ACSL6: variants seen among roughly 807,000 people sequenced by gnomAD.
ACSL6 encodes acyl-CoA synthetase long chain family member 6.
ACSL6 carries 47 observed loss-of-function variants against 98.2 expected under a neutral mutation model. The ratio of observed to expected loss-of-function variants is 0.48; its 90% CI spans 0.38 to 0.61. The LOEUF (loss-of-function observed/expected upper bound fraction) is 0.61. ACSL6 is among the 20% of genes least tolerant of loss of function. The probability of loss-of-function intolerance (pLI) is 0.00; values close to 1 mark genes in which losing one functional copy is unlikely to be tolerated. For missense variants in ACSL6, 761 were observed against 913.4 expected (o/e 0.83, Z 2.15); for synonymous variants, 362 against 336.9 (o/e 1.07, Z -0.82).
upstream of ACSL6, chr5:132,012,002 C>T (rs1755763721): frequency 8.1e-6 from 12 of 1,487,296 alleles, 1 homozygote; most frequent in South Asian, 1.6e-4. Flanking sequence ...GCCACCCACC[C>T]CATCAACACG....
intron 9 of ACSL6, 32 bp downstream of exon 9, chr5:131,985,375 C>A: frequency 6.2e-7 from 1 of 1,613,732 alleles, no homozygotes; most frequent in Non-Finnish European, 8.5e-7. Flanking sequence ...GTGCAGGTAG[C>A]CATGGCTGGG....
chr5:131,968,643 G>A (rs1215922363), intron 15 of ACSL6, among the ~76,000 whole-genome samples: 1 of 152,150 alleles, frequency 6.6e-6, no homozygotes, highest in African/African-American at 2.4e-5. Context: ...ATGAAAATAA[G>A]ACTCCAAATT....
At chr5:131,994,740 C>G (rs531001268) in intron 1 of ACSL6, 1 of 179,518 alleles carries the variant, frequency 5.6e-6, no homozygotes, top group Admixed American at 5.3e-5. Flanking sequence ...CCTCTAATCT[C>G]CCAACTCCAG....
intron 1 of ACSL6, among the ~76,000 whole-genome samples, chr5:132,002,156 C>T (rs1021600644): frequency 6.6e-6 from 1 of 152,176 alleles, no homozygotes; most frequent in African/African-American, 2.4e-5. Flanking sequence ...GGAATACTGA[C>T]CAGGGTCACC....
Position 131,951,201 on chromosome 5 carries a change from A to C in ACSL6, c.*3033T>G, listed in dbSNP as rs1208864236. 2.4e-5 allele frequency: 5 copies of C among 211,128 alleles called. No homozygotes were observed. Among genetic ancestry groups the C allele is most frequent in the African/African-American group, 4.5e-5 (2 of 44,138 alleles). 13.1% of individuals were successfully genotyped at this position (211,128 alleles called of 1,614,324 possible). On this transcript the variant is annotated 3_prime_UTR_variant, in exon 21 of 21. Coordinates refer to ENST00000651883, the MANE Select transcript of ACSL6 (RefSeq NM_001009185.3). ...GAACATATTTACACTTAAGGAACTG[A>C]TTATCTGTTATACTTCTAGGCTTAA...
intron 19 of ACSL6, among the ~76,000 whole-genome samples, chr5:131,960,195 G>A (rs1352902218): frequency 6.6e-6 from 1 of 152,148 alleles, no homozygotes. Context: ...ATCTGACTCT[G>A]CTGCTAACCA....
chr5:131,979,420 G>A lies in ACSL6; in HGVS notation c.917-2699C>T, dbSNP rs147546982. Among the ~76,000 whole-genome samples the A allele has an allele frequency of 4.6e-3, 699 of 152,242 alleles. 4 individuals carry two copies. Among genetic ancestry groups the A allele is most frequent in the African/African-American group, 0.016 (662 of 41,550 alleles). On this transcript the variant is annotated intron_variant, in intron 9 of 20. Transcript: ENST00000651883. ...GGTGTAAGAATCTCAAGGGAAAACT[G>A]TCTTCATTGATAAAAAAAAATTCTA...
intron 15 of ACSL6, 24 bp downstream of exon 15, chr5:131,970,104 T>C (rs746909220): frequency 6.2e-7 from 1 of 1,612,592 alleles, no homozygotes; most frequent in Non-Finnish European, 8.5e-7. Context: ...CGCGAGCCAG[T>C]CCTATATCTC....
At chr5:131,966,118 C>T (rs963199819) in intron 17 of ACSL6, among the ~76,000 whole-genome samples, 1 of 152,222 alleles carries the variant, frequency 6.6e-6, no homozygotes, top group African/African-American at 2.4e-5. Flanking sequence ...TCCTACTTCA[C>T]ATCAGATTCC....
At chr5:131,969,782 C>T (rs1323935206) in intron 15 of ACSL6, among the ~76,000 whole-genome samples, 1 of 152,096 alleles carries the variant, frequency 6.6e-6, no homozygotes, top group Non-Finnish European at 1.5e-5. Context: ...GCAGCGGCAA[C>T]CTCAAAAAGG....
At chr5:131,976,206 T>C in intron 10 of ACSL6, 1 of 985,464 alleles carries the variant, frequency 1.0e-6, no homozygotes, top group South Asian at 4.7e-5. Flanking sequence ...CCTTATAAAT[T>C]AGCAGTTGCC....
At chr5:132,007,420 G>A (rs1755474102) in intron 1 of ACSL6, among the ~76,000 whole-genome samples, 1 of 152,168 alleles carries the variant, frequency 6.6e-6, no homozygotes, top group African/African-American at 2.4e-5. Context: ...TCAGAATCCT[G>A]GATCCCCTTT....
chr5:132,011,689 C>G, upstream of ACSL6: 1 of 1,269,464 alleles, frequency 7.9e-7, no homozygotes, highest in Non-Finnish European at 9.9e-7. This position sits in a 1 kb window ranked among gnomAD's most constrained non-coding sequence, Gnocchi z 5.4. Context: ...GCCCTCCGGC[C>G]CCGCAGCTCC....
chr5:131,985,043 C>G, intron 9 of ACSL6: 1 of 284,840 alleles, frequency 3.5e-6, no homozygotes, highest in South Asian at 4.1e-5. Flanking sequence ...CCCCAGTCTC[C>G]AACACAAAGG....
In ACSL6 at chr5:131,989,462, T is replaced by C; in HGVS notation, c.497A>G (p.Asn166Ser). Residue 166 changes from asparagine (N) to serine (S), a missense_variant, in exon 5 of 21, where the codon AAT becomes AGT. Physicochemically the swap from Asn to Ser is conservative, Grantham distance 46. Transcript: ENST00000651883. ...EFLGSGLLQH[N>S]CKACTDQFIG... ...AAACTGATCAGTGCATGCTTTACAATTGTGCTGGAGAAGTCCGGACCCCAG... is the reference window on the plus strand; with the variant it reads ...AAACTGATCAGTGCATGCTTTACAACTGTGCTGGAGAAGTCCGGACCCCAG... 4 of 1,613,922 alleles carry C rather than the reference T, an allele frequency of 2.5e-6. No homozygotes were observed. The highest frequency in any genetic ancestry group is 3.4e-6 in the Non-Finnish European group (4 of 1,179,968).
chr5:132,004,801 C>G (rs1179751518), intron 1 of ACSL6, among the ~76,000 whole-genome samples: 4 of 152,232 alleles, frequency 2.6e-5, no homozygotes, highest in African/African-American at 9.6e-5. Flanking sequence ...TAAACCCTCC[C>G]TGCCACCACA....
rs199688979 is a variant in ACSL6, at chr5:131,962,652, C to T, written c.1740G>A (p.Arg580=). The T allele has an allele frequency of 8.7e-6, 14 of 1,614,006 alleles. No homozygotes were observed. In the African/African-American group the frequency reaches 1.3e-4, roughly 15 times the overall value. Reference sequence around the variant, plus strand: ...GAGCAAGTTTAAATATATGCTTTTTCCGATCAATAATTTTAAGAGTTCCTG... The same window carrying T: ...GAGCAAGTTTAAATATATGCTTTTTTCGATCAATAATTTTAAGAGTTCCTG... The part of the protein sequence containing the change: ...LPAGTLKIID[R]KKHIFKLAQG... The change falls in exon 18 of 21, where the codon CGG becomes CGA. Residue 580 remains arginine (R), a synonymous_variant. Transcript: ENST00000651883.
At chr5:131,978,651 G>T (rs1191612897) in intron 9 of ACSL6, among the ~76,000 whole-genome samples, 1 of 152,162 alleles carries the variant, frequency 6.6e-6, no homozygotes, top group African/African-American at 2.4e-5. Context: ...AATGTCCATA[G>T]GACTTTTTAT....
At chr5:131,984,188 G>A (rs1754044221) in intron 9 of ACSL6, 3 of 152,232 alleles carry the variant, frequency 2.0e-5, no homozygotes, top group Admixed American at 2.0e-4. Context: ...AGTAGAATAT[G>A]GTGGAAATCC....
Sources: allele counts gnomAD v4.1 joint callset (sites outside exome capture counted in the v4.1 genomes callset), GRCh38; gene constraint gnomAD v4.1.1; non-coding constraint Gnocchi (gnomAD v3.1); transcripts MANE v1.5; gene names NCBI Gene and HGNC (gene_info 2026-07-23, HGNC 2026-07-21).